TNKS2: variants seen among roughly 807,000 people sequenced by gnomAD.
TNKS2 encodes the protein tankyrase 2.
Under a neutral mutation model 137.6 loss-of-function variants are expected in TNKS2, and 72 were observed. That is an observed-to-expected ratio of 0.52 (90% CI 0.43 to 0.64). TNKS2 has a LOEUF of 0.64. TNKS2 is among the 30% of genes least tolerant of loss of function. The pLI, the probability that TNKS2 is intolerant of heterozygous loss-of-function variation, is 0.00. For synonymous variants in TNKS2, 516 were observed against 512.1 expected, an observed-to-expected ratio of 1.01 and a Z score of -0.10; for missense variants, 1,049 against 1,410.2, an observed-to-expected ratio of 0.74 and a Z score of 4.10.
chr10:91,806,015 C>A (rs1844314722), intron 1 of TNKS2, among the ~76,000 whole-genome samples: 1 of 148,554 alleles, frequency 6.7e-6, no homozygotes, highest in South Asian at 2.2e-4. Flanking sequence ...CATTTTCCTA[C>A]TTGGCTTCTG....
chr10:91,861,474 T>C (rs1842847887), intron 25 of TNKS2, among the ~76,000 whole-genome samples: 1 of 142,120 alleles, frequency 7.0e-6, no homozygotes, highest in South Asian at 2.6e-4. Flanking sequence ...TGGGAAAGGT[T>C]TGGACAGGAA....
At chr10:91,823,312 G>GT (rs1191233539) in intron 7 of TNKS2, among the ~76,000 whole-genome samples, 1 of 112,834 alleles carries the variant, frequency 8.9e-6, no homozygotes, top group Non-Finnish European at 1.7e-5. Context: ...TGTTTTTTTG[G>GT]TTTTTTGGTT....
chr10:91,807,057 A>T (rs1431376432), intron 1 of TNKS2: 4 of 1,216,882 alleles, frequency 3.3e-6, no homozygotes, highest in Non-Finnish European at 2.3e-6. Context: ...ATTACAAAAA[A>T]TGACCTCTAA....
chr10:91,798,726 C>T lies in TNKS2; in HGVS notation c.36C>T (p.Ala12=), dbSNP rs1376759343. The change falls in exon 1 of 27, where the codon GCC becomes GCT. Residue 12 remains alanine, a synonymous_variant. Coordinates refer to ENST00000371627, the MANE Select transcript of TNKS2 (RefSeq NM_025235.4). ...GCCGCTGCGCCGGCGGGGGAGCGGC[C>T]TGCGCGAGCGCCGCGGCCGAGGCCG... The part of the protein sequence containing the change: ...SGRRCAGGGA[A]CASAAAEAVE... 8.0e-7 allele frequency: 1 copy of T among 1,242,422 alleles called. No individual in the cohort carries two copies. The highest frequency in any genetic ancestry group is 3.2e-5 in the East Asian group (1 of 31,514). 77.0% of individuals were successfully genotyped at this position (1,242,422 alleles called of 1,614,324 possible).
rs1393522898 is a variant in TNKS2 at position 91,865,146 on chromosome 10, T to C, written c.*2147T>C. On this transcript the variant is annotated 3_prime_UTR_variant, in exon 27 of 27. Transcript: ENST00000371627. ...TGGAATTGCTTTTTCTTTTGTCTTG[T>C]GATTTTTTTTTTTGAAGTGAAATTT... 2 of 149,620 alleles carry C rather than the reference T, an allele frequency of 1.3e-5. No individual in the cohort carries two copies. The highest frequency in any genetic ancestry group is 4.0e-4 in the East Asian group (2 of 4,966). The allele number at this position is 149,620 out of a possible 1,614,324, so 9.3% of individuals were successfully genotyped here. A position where few individuals can be genotyped will look rare whatever the true frequency, so the allele number is the denominator to read the frequency against.
chr10:91,798,486 G>T lies in TNKS2; in HGVS notation c.-205G>T. 1 of 465,562 alleles carries T rather than the reference G, an allele frequency of 2.1e-6. No individual in the cohort carries two copies. Among genetic ancestry groups the T allele is most frequent in the East Asian group, 4.8e-5 (1 of 20,732 alleles). The allele number at this position is 465,562 out of a possible 1,614,324, so 28.8% of individuals were successfully genotyped here. On this transcript the variant is annotated 5_prime_UTR_variant, in exon 1 of 27. Coordinates refer to ENST00000371627, the MANE Select transcript of TNKS2 (RefSeq NM_025235.4). ...GCGGATTCGCGCTGCCTCCGCCGCC[G>T]CGGGGCAGCCGGGGGGCAGGGAGCC...
chr10:91,801,445 G>T (rs535992463), intron 1 of TNKS2, among the ~76,000 whole-genome samples: 1 of 151,368 alleles, frequency 6.6e-6, no homozygotes, highest in African/African-American at 2.4e-5. Flanking sequence ...CACTGCCCCC[G>T]ACCATACGCA....
chr10:91,845,692 T>G lies in TNKS2; in HGVS notation c.2170-60T>G, dbSNP rs556328340. ...AGTAGGTACGTAACTAGTTTCATTT[T>G]AAGAAAGTAAAGTGTGACAAAATAA... On this transcript the variant is annotated intron_variant, in intron 17 of 26. Coordinates refer to ENST00000371627, the MANE Select transcript of TNKS2 (RefSeq NM_025235.4). 12 of 1,335,558 alleles carry G rather than the reference T, an allele frequency of 9.0e-6. No individual in the cohort carries two copies. In the South Asian group the frequency reaches 2.7e-4, roughly 30 times the overall value. The allele number at this position is 1,335,558 out of a possible 1,614,324, so 82.7% of individuals were successfully genotyped here.
chr10:91,813,374 T>A (rs1230005966), intron 2 of TNKS2, among the ~76,000 whole-genome samples, 167 bp downstream of exon 2: 2 of 152,230 alleles, frequency 1.3e-5, no homozygotes, highest in African/African-American at 4.8e-5. Context: ...TTGTGTGTAG[T>A]ACTGAGCCTA....
chr10:91,842,461 T>G (rs1219377051), intron 16 of TNKS2, 70 bp downstream of exon 16: 1 of 1,438,576 alleles, frequency 7.0e-7, no homozygotes, highest in Admixed American at 1.9e-5. Context: ...GTAAAATATT[T>G]TCTGTAACTA....
chr10:91,811,709 T>A (rs990128353), intron 1 of TNKS2, among the ~76,000 whole-genome samples: 6 of 150,876 alleles, frequency 4.0e-5, no homozygotes, highest in African/African-American at 1.5e-4. Context: ...TACTTTCTTA[T>A]CTGTTCTCAT....
At position 91,819,671 on chromosome 10, in the gene TNKS2, G is replaced by A. The variant is rs1405557002; in HGVS notation, c.633+114G>A. The A allele has an allele frequency of 3.4e-6, 3 of 889,432 alleles. No individual in the cohort carries two copies. The African/African-American group carries it at 5.1e-5, about 15-fold the overall frequency. 55.1% of individuals were successfully genotyped at this position (889,432 alleles called of 1,614,324 possible). A position where few individuals can be genotyped will look rare whatever the true frequency, so the allele number is the denominator to read the frequency against. Reference sequence around the variant, plus strand: ...TGAAGAGAGTGCTGATGTTTTAAGTGTTTCAGTATTTTCAGTATTTCAAAT... The same window carrying A: ...TGAAGAGAGTGCTGATGTTTTAAGTATTTCAGTATTTTCAGTATTTCAAAT... On this transcript the variant is annotated intron_variant, in intron 5 of 26. Coordinates refer to ENST00000371627, the MANE Select transcript of TNKS2 (RefSeq NM_025235.4).
intron 7 of TNKS2, among the ~76,000 whole-genome samples, chr10:91,825,546 G>A (rs1845041076): frequency 1.3e-5 from 2 of 152,170 alleles, no homozygotes; most frequent in Non-Finnish European, 2.9e-5. Context: ...AAAGTTAAAA[G>A]TGCATATTTT....
intron 7 of TNKS2, among the ~76,000 whole-genome samples, chr10:91,823,705 AC>A (rs1192993151): frequency 6.6e-6 from 1 of 151,954 alleles, no homozygotes; most frequent in Non-Finnish European, 1.5e-5. Context: ...CCAGGATGTT[AC>A]CTATACCTTT....
intron 21 of TNKS2, 136 bp downstream of exon 21, chr10:91,851,472 G>A: frequency 9.5e-7 from 1 of 1,049,842 alleles, no homozygotes; most frequent in Non-Finnish European, 1.3e-6. Flanking sequence ...TCAGGAAACT[G>A]GGATTAAGTC....
At chr10:91,836,651 T>A in intron 12 of TNKS2, 1 of 985,408 alleles carries the variant, frequency 1.0e-6, no homozygotes, top group Non-Finnish European at 1.2e-6. Flanking sequence ...AGTCATCTCC[T>A]TTATGTTCCT....
chr10:91,837,093 G>A (rs1387775637), intron 13 of TNKS2, 95 bp downstream of exon 13: 2 of 1,243,494 alleles, frequency 1.6e-6, no homozygotes, highest in African/African-American at 3.0e-5. Context: ...TGGTTTATTT[G>A]TATGGGCCTT....
Position 91,827,003 on chromosome 10 carries a change from T to A in TNKS2, c.796-14T>A. 1.3e-6 allele frequency: 2 copies of A among 1,513,708 alleles called. No homozygotes were observed. Among genetic ancestry groups the A allele is most frequent in the Non-Finnish European group, 1.8e-6 (2 of 1,129,174 alleles). 93.8% of individuals were successfully genotyped at this position (1,513,708 alleles called of 1,614,324 possible). A position where few individuals can be genotyped will look rare whatever the true frequency, so the allele number is the denominator to read the frequency against. On this transcript the variant is annotated splice_polypyrimidine_tract_variant and intron_variant, in intron 7 of 26. Transcript: ENST00000371627. ...TAAAAATTGAACATTAAATATATGC[T>A]TTTTGCTCTCCAGCATGGTGCCTGT...
chr10:91,849,669 G>T, intron 20 of TNKS2, 75 bp downstream of exon 20: 1 of 1,152,684 alleles, frequency 8.7e-7, no homozygotes, highest in Non-Finnish European at 1.2e-6. Context: ...TACTTGAAAT[G>T]AGCTGAACCA....
Sources: allele counts gnomAD v4.1 joint callset (sites outside exome capture counted in the v4.1 genomes callset), GRCh38; gene constraint gnomAD v4.1.1; transcripts MANE v1.5; gene names NCBI Gene and HGNC (gene_info 2026-07-23, HGNC 2026-07-21).